Variants in TNS1 observed in about 807,000 individuals in gnomAD.
The protein encoded by TNS1 is tensin 1.
A neutral mutation model predicts 168.6 loss-of-function variants in TNS1; 62 were observed. The ratio of observed to expected loss-of-function variants is 0.37; its 90% confidence interval spans 0.30 to 0.45. The LOEUF (loss-of-function observed/expected upper bound fraction) is 0.45, where lower values mean the gene tolerates loss of function less well. TNS1 is among the 20% of genes least tolerant of loss of function. TNS1 has a pLI of 1.00. For missense variants in TNS1, 2,240 were observed against 2,339.4 expected (o/e 0.96, Z 0.88); for synonymous variants, 934 against 933.2 (o/e 1.00, Z -0.02).
At chr2:217,884,252 T>C (rs1293829941) in intron 16 of TNS1, among the ~76,000 whole-genome samples, 2 of 151,000 alleles carry the variant, frequency 1.3e-5, no homozygotes, top group Non-Finnish European at 3.0e-5. Context: ...AATGGATGGA[T>C]GAATGGGTGG....
intron 18 of TNS1, among the ~76,000 whole-genome samples, chr2:217,874,416 C>A (rs1008798474): frequency 2.3e-4 from 35 of 152,206 alleles, no homozygotes; most frequent in African/African-American, 8.2e-4. Flanking sequence ...GCATCAGCAT[C>A]CTCAACATTG....
intron 1 of TNS1, among the ~76,000 whole-genome samples, chr2:217,998,219 G>GTCTC (rs1173660793): frequency 1.0e-5 from 1 of 97,070 alleles, no homozygotes; most frequent in African/African-American, 4.3e-5. Context: ...CTCTCCATCA[G>GTCTC]TGTCTCTCTC....
At chr2:217,932,866 C>T (rs573637621) in intron 3 of TNS1, among the ~76,000 whole-genome samples, 8 of 152,330 alleles carry the variant, frequency 5.3e-5, no homozygotes, top group African/African-American at 1.7e-4. Context: ...TAGATGGCAG[C>T]GACAGGAGGC....
At chr2:217,963,345 T>C (rs528642928) in intron 3 of TNS1, among the ~76,000 whole-genome samples, 80 of 152,206 alleles carry the variant, frequency 5.3e-4, no homozygotes, top group African/African-American at 1.8e-3. Flanking sequence ...CTGCATCTAA[T>C]GACAATAACC....
intron 3 of TNS1, among the ~76,000 whole-genome samples, chr2:217,958,480 G>A (rs1957419021): frequency 6.6e-6 from 1 of 152,178 alleles, no homozygotes; most frequent in Non-Finnish European, 1.5e-5. Context: ...GTGGATGGCT[G>A]GGATGGAGAA....
At chr2:217,805,674 CACAT>C (rs1173792270) in intron 32 of TNS1, among the ~76,000 whole-genome samples, 154 of 92,614 alleles carry the variant, frequency 1.7e-3, no homozygotes, top group African/African-American at 6.1e-3. Flanking sequence ...TATCACCACA[CACAT>C]ACACACCATC....
intron 8 of TNS1, among the ~76,000 whole-genome samples, chr2:217,896,056 T>G (rs1172846917): frequency 6.6e-6 from 1 of 152,238 alleles, no homozygotes. Flanking sequence ...CTTAAGGACT[T>G]TACATCTAAC....
Position 217,848,363 on chromosome 2 carries a change from C to T in TNS1, c.2154G>A (p.Arg718=), listed in dbSNP as rs143605488. The T allele has an allele frequency of 9.4e-5, 145 of 1,540,664 alleles. No individual in the cohort carries two copies. In the African/African-American group the frequency reaches 1.9e-3, roughly 20 times the overall value. ...GTGGCCAGGCTGGGTGGGGCCCCTC[C>T]CTCTGGTAGCCAGCTAAACCCTCCT... ...SAQEGLAGYQ[R]EGPHPAWPQP... is the part of the protein sequence containing the mutation. The change falls in exon 19 of 33, where the codon AGG becomes AGA. Residue 718 remains arginine, a synonymous_variant. Transcript: ENST00000682258.
chr2:217,990,294 T>TAGG (rs1958329083), intron 2 of TNS1, among the ~76,000 whole-genome samples: 1 of 135,100 alleles, frequency 7.4e-6, no homozygotes, highest in Non-Finnish European at 1.5e-5. Flanking sequence ...CCACATACCA[T>TAGG]CCACACACCA....
intron 19 of TNS1, among the ~76,000 whole-genome samples, chr2:217,838,197 G>A (rs1945430711): frequency 6.6e-6 from 1 of 152,218 alleles, no homozygotes; most frequent in South Asian, 2.1e-4. Context: ...TTTTCAAGGG[G>A]TGGCCAGTTT....
intron 1 of TNS1, among the ~76,000 whole-genome samples, chr2:217,998,815 C>A (rs552456902): frequency 6.6e-6 from 1 of 152,250 alleles, no homozygotes; most frequent in South Asian, 2.1e-4. Context: ...ATCTTTAGAT[C>A]TAGTTTAAAA....
chr2:217,821,245 C>G (rs1942803052), intron 23 of TNS1, among the ~76,000 whole-genome samples: 1 of 152,152 alleles, frequency 6.6e-6, no homozygotes, highest in South Asian at 2.1e-4. Context: ...CACGCTTCCA[C>G]CTGAATCTGA....
rs1942912633 is a variant in TNS1 at position 217,821,867 on chromosome 2, T to C, written c.3445A>G (p.Lys1149Glu). ...AGPRAQDSEP[K>E]SFSAPATQAY... ...TGGGTGGCTGGAGCACTAAAGCTCT[T>C]GGGCTCAGAGTCCTGAGCTCGGGGT... is the stretch of plus-strand genomic sequence containing the variant. The change falls in exon 23 of 33, where the codon AAG becomes GAG. Residue 1149 changes from lysine (K) to glutamate (E), a missense_variant. Transcript: ENST00000682258. 2 of 1,589,254 alleles carry C rather than the reference T, an allele frequency of 1.3e-6. No individual in the cohort carries two copies. Among genetic ancestry groups the C allele is most frequent in the Non-Finnish European group, 8.6e-7 (1 of 1,168,710 alleles).
chr2:217,990,644 C>T (rs942818110), intron 2 of TNS1, among the ~76,000 whole-genome samples: 3 of 152,248 alleles, frequency 2.0e-5, no homozygotes, highest in African/African-American at 4.8e-5. Context: ...ATGCCACTCA[C>T]ATGCCACTCA....
At chr2:217,962,696 C>T (rs892846860) in intron 3 of TNS1, among the ~76,000 whole-genome samples, 11 of 152,122 alleles carry the variant, frequency 7.2e-5, no homozygotes, top group Non-Finnish European at 1.2e-4. Flanking sequence ...GAAAATCAAA[C>T]ACACCCAAAT....
intron 11 of TNS1, 49 bp downstream of exon 11, chr2:217,892,899 G>A (rs902532361): frequency 6.3e-7 from 1 of 1,585,378 alleles, no homozygotes; most frequent in Non-Finnish European, 8.7e-7. Flanking sequence ...AGAGGAGGGG[G>A]GTCACACTGT....
rs537181015 is a variant in TNS1 at position 217,801,440 on chromosome 2, T to C, written c.*3019A>G. The C allele has an allele frequency of 1.3e-5, 2 of 152,094 alleles. No individual in the cohort carries two copies. The highest frequency in any genetic ancestry group is 1.9e-4 in the East Asian group (1 of 5,136). The allele number at this position is 152,094 out of a possible 1,614,324, so 9.4% of individuals were successfully genotyped here. The stretch of plus-strand genomic sequence containing the variant: ...CAGCACGGGACTGAACCTGCTGGGG[T>C]CTGCGTCGCTGCGATGTCCATGACT... On this transcript the variant is annotated 3_prime_UTR_variant, in exon 33 of 33. Transcript: ENST00000682258.
chr2:218,033,905 G>A lies in TNS1; in HGVS notation c.71C>T (p.Pro24Leu), dbSNP rs1428165570. ...CCGCGCCGAGACCCAGGGACTCCCC[G>A]GGGGCTGGGGACCGCAGAGTGGTCC... Residue 24 changes from proline to leucine, a missense_variant, in exon 1 of 2, where the codon CCG (proline) becomes CTG (leucine). Physicochemically the swap from Pro to Leu is moderately conservative, Grantham distance 98. Coordinates refer to the TNS1 transcript ENST00000649572. This position sits in a 1 kb window ranked among gnomAD's most constrained non-coding sequence, Gnocchi z 4.3. 2.6e-5 allele frequency among the ~76,000 whole-genome samples: 4 copies of A among 152,188 alleles called. No homozygotes were observed. Among genetic ancestry groups the A allele is most frequent in the Admixed American group, 6.5e-5 (1 of 15,284 alleles).
At position 217,813,680 on chromosome 2, in the gene TNS1, G is replaced by A; in HGVS notation, c.4861+5C>T. On this transcript the variant is annotated splice_donor_5th_base_variant and intron_variant, in intron 26 of 32. Coordinates refer to ENST00000682258, the MANE Select transcript of TNS1 (RefSeq NM_001387777.1). The surrounding 1 kb of genome is among the most constrained non-coding windows in gnomAD (Gnocchi z 4.0). ...CCTGAGCCCCATTCTGGGAGATGAG[G>A]TTACCTTTTTTATTCTGCTGCATGA... 6.2e-7 allele frequency: 1 copy of A among 1,606,316 alleles called. No homozygotes were observed. The highest frequency in any genetic ancestry group is 8.5e-7 in the Non-Finnish European group (1 of 1,176,122).
Sources: allele counts gnomAD v4.1 joint callset (sites outside exome capture counted in the v4.1 genomes callset), GRCh38; gene constraint gnomAD v4.1.1; non-coding constraint Gnocchi (gnomAD v3.1); transcripts MANE v1.5; gene names NCBI Gene and HGNC (gene_info 2026-07-23, HGNC 2026-07-21).